The following AGMO variants were observed in gnomAD, a reference collection of about 807,000 sequenced individuals.
The protein encoded by AGMO is alkylglycerol monooxygenase, also known as glyceryl-ether monooxygenase.
A neutral mutation model predicts 60.2 loss-of-function variants in AGMO; 75 were observed. The ratio of observed to expected loss-of-function variants is 1.25; its 90% CI spans 1.03 to 1.51. The LOEUF (loss-of-function observed/expected upper bound fraction) is 1.51. AGMO is among the 40% of genes most tolerant of loss of function. The pLI, the probability that AGMO is intolerant of heterozygous loss-of-function variation, is 0.00. For missense variants in AGMO, 763 were observed against 525.5 expected, an observed-to-expected ratio of 1.45 and a Z score of -4.42; for synonymous variants, 261 against 177.1, an observed-to-expected ratio of 1.47 and a Z score of -3.76.
chr7:15,451,667 C>G (rs2128505722), intron 3 of AGMO, among the ~76,000 whole-genome samples: 1 of 151,980 alleles, frequency 6.6e-6, no homozygotes, highest in Non-Finnish European at 1.5e-5. Context: ...GGTTAAAGAC[C>G]TTAGTATAAG....
intron 3 of AGMO, among the ~76,000 whole-genome samples, chr7:15,465,127 C>T (rs1357055791): frequency 6.6e-6 from 1 of 151,936 alleles, no homozygotes; most frequent in Non-Finnish European, 1.5e-5. Context: ...TCTGTGTGTT[C>T]TGTTTGGTTT....
chr7:15,297,066 TCACA>T (rs35168870), intron 12 of AGMO, among the ~76,000 whole-genome samples: 30,681 of 151,800 alleles, frequency 0.2, 3,145 homozygotes, highest in Middle Eastern at 0.27. Flanking sequence ...TCTCTCTCTC[TCACA>T]CACACAGACA....
chr7:15,388,468 T>C (rs1469103974), intron 8 of AGMO, among the ~76,000 whole-genome samples: 1 of 152,228 alleles, frequency 6.6e-6, no homozygotes, highest in Non-Finnish European at 1.5e-5. Context: ...AGTTATAATG[T>C]ACATTAATAT....
chr7:15,449,733 C>A (rs1360047083), intron 3 of AGMO, among the ~76,000 whole-genome samples: 1 of 152,148 alleles, frequency 6.6e-6, no homozygotes, highest in Non-Finnish European at 1.5e-5. Flanking sequence ...AGAACATAGA[C>A]ATTGATATTA....
intron 12 of AGMO, among the ~76,000 whole-genome samples, chr7:15,360,630 G>C (rs929050176): frequency 6.6e-6 from 1 of 152,058 alleles, no homozygotes; most frequent in African/African-American, 2.4e-5. Context: ...AGGAGTGGCA[G>C]AGGTTGGAGG....
At chr7:15,500,623 G>A (rs1783358526) in intron 3 of AGMO, among the ~76,000 whole-genome samples, 1 of 151,664 alleles carries the variant, frequency 6.6e-6, no homozygotes, top group African/African-American at 2.4e-5. Flanking sequence ...TTTTTTTAAA[G>A]GAAGAAAAGA....
chr7:15,445,211 G>A (rs912374222), intron 3 of AGMO, among the ~76,000 whole-genome samples: 3 of 152,072 alleles, frequency 2.0e-5, no homozygotes, highest in Non-Finnish European at 4.4e-5. Context: ...AAAGGCAAAG[G>A]TAACAAGGAA....
At chr7:15,457,091 G>C (rs984630440) in intron 3 of AGMO, among the ~76,000 whole-genome samples, 1 of 152,068 alleles carries the variant, frequency 6.6e-6, no homozygotes, top group Non-Finnish European at 1.5e-5. Context: ...GTAATATTCA[G>C]TATTCAGTTG....
At chr7:15,504,567 T>G (rs1330443813) in intron 3 of AGMO, among the ~76,000 whole-genome samples, 1 of 152,020 alleles carries the variant, frequency 6.6e-6, no homozygotes, top group Non-Finnish European at 1.5e-5. Flanking sequence ...TCATAGTGGA[T>G]TTATTTGGCA....
At chr7:15,309,481 G>T (rs956964467) in intron 12 of AGMO, among the ~76,000 whole-genome samples, 2 of 152,074 alleles carry the variant, frequency 1.3e-5, no homozygotes, top group African/African-American at 4.8e-5. Context: ...CTATTGAAAT[G>T]TACTTTTCTC....
chr7:15,135,517 G>C, the AGMO span, among the ~76,000 whole-genome samples: 13 of 152,006 alleles, frequency 8.6e-5, no homozygotes, highest in Admixed American at 2.6e-4. Flanking sequence ...GAATGAAAAG[G>C]GTTGTTTTAA....
chr7:15,429,896 T>C (rs1298215626), intron 4 of AGMO, among the ~76,000 whole-genome samples: 1 of 152,056 alleles, frequency 6.6e-6, no homozygotes, highest in Non-Finnish European at 1.5e-5. Context: ...CATAGGCTTA[T>C]TTATGATGAT....
chr7:15,214,192 G>A (rs774740147), intron 12 of AGMO, among the ~76,000 whole-genome samples: 29 of 151,954 alleles, frequency 1.9e-4, no homozygotes, highest in Admixed American at 8.5e-4. Flanking sequence ...CGGGGAATTT[G>A]TAACCAATAT....
intron 12 of AGMO, among the ~76,000 whole-genome samples, chr7:15,325,513 C>CAA (rs1781311102): frequency 6.6e-6 from 1 of 152,068 alleles, no homozygotes; most frequent in Non-Finnish European, 1.5e-5. Flanking sequence ...TCCAAGCTAA[C>CAA]TGGTGAAGAA....
At chr7:15,154,582 G>T in the AGMO span, among the ~76,000 whole-genome samples, 2 of 152,130 alleles carry the variant, frequency 1.3e-5, no homozygotes, top group South Asian at 4.1e-4. Context: ...CTTTTAAGTG[G>T]TACATTTAGC....
intron 5 of AGMO, among the ~76,000 whole-genome samples, chr7:15,415,030 T>A (rs1780724376): frequency 3.3e-5 from 5 of 152,100 alleles, no homozygotes; most frequent in Admixed American, 3.3e-4. Flanking sequence ...AACTCTGAAA[T>A]TTTCAAAAGT....
At chr7:15,550,222 C>G (rs1784909073) in intron 2 of AGMO, among the ~76,000 whole-genome samples, 1 of 150,118 alleles carries the variant, frequency 6.7e-6, no homozygotes, top group Admixed American at 6.6e-5. Context: ...CAGGAAAGAT[C>G]CAAAATTGAC....
intron 12 of AGMO, among the ~76,000 whole-genome samples, chr7:15,233,442 G>C (rs1218145308): frequency 2.0e-5 from 3 of 152,114 alleles, no homozygotes; most frequent in Non-Finnish European, 4.4e-5. Flanking sequence ...CTGAGGGAGG[G>C]ATTCGAATAC....
chr7:15,439,751 A>T (rs1214625050), intron 3 of AGMO, among the ~76,000 whole-genome samples: 1 of 152,186 alleles, frequency 6.6e-6, no homozygotes, highest in Admixed American at 6.5e-5. Context: ...CCATTATATT[A>T]GTTATGTATG....
Sources: gnomAD v4.1 joint callset for allele counts (sites outside exome capture counted in the v4.1 genomes callset) on GRCh38, gnomAD v4.1.1 for gene constraint, MANE v1.5 for transcripts, NCBI Gene and HGNC (gene_info 2026-07-23, HGNC 2026-07-21) for gene names.